The following MTAP variants were observed in gnomAD, a reference collection of about 807,000 sequenced individuals.
MTAP encodes the protein S-methyl-5'-thioadenosine phosphorylase.
A neutral mutation model predicts 33.6 loss-of-function variants in MTAP; 33 were observed. The ratio of observed to expected loss-of-function variants is 0.98; its 90% CI spans 0.74 to 1.31. The LOEUF is 1.31. Among genes scored for constraint, MTAP ranks in the 40% most tolerant of loss-of-function variants. MTAP has a pLI of 0.00. For synonymous variants in MTAP, 148 were observed against 125.7 expected (o/e 1.18, Z -1.19); for missense variants, 367 against 360.0 (o/e 1.02, Z -0.16).
chr9:21,911,584 G>T, intron 1 of MTAP, among the ~76,000 whole-genome samples: 1 of 152,042 alleles, frequency 6.6e-6, no homozygotes, highest in East Asian at 1.9e-4. Flanking sequence ...AAACCAACGA[G>T]AACAAAGACA....
intron 1 of MTAP, among the ~76,000 whole-genome samples, chr9:21,915,152 G>C (rs1302221962): frequency 6.6e-6 from 1 of 150,610 alleles, no homozygotes; most frequent in Non-Finnish European, 1.5e-5. Flanking sequence ...GTGGGATCTT[G>C]GCTCACTGCA....
intron 5 of MTAP, among the ~76,000 whole-genome samples, chr9:21,850,055 T>C (rs189878565): frequency 1.7e-3 from 263 of 152,358 alleles, no homozygotes; most frequent in African/African-American, 6.2e-3. Flanking sequence ...CAGAGAGAAC[T>C]TGATCGCTTT....
At chr9:21,835,279 G>A (rs1188293036) in intron 4 of MTAP, among the ~76,000 whole-genome samples, 5 of 152,060 alleles carry the variant, frequency 3.3e-5, no homozygotes, top group African/African-American at 9.7e-5. Context: ...AGGAATTTTG[G>A]GAGGACACAA....
chr9:21,819,575 A>G (rs569320848), intron 4 of MTAP, among the ~76,000 whole-genome samples: 1 of 152,246 alleles, frequency 6.6e-6, no homozygotes, highest in East Asian at 1.9e-4. Context: ...AGTCTTTGCT[A>G]TTGTGAATAG....
chr9:21,925,828 A>T (rs1207323906), intron 1 of MTAP, among the ~76,000 whole-genome samples: 1 of 152,120 alleles, frequency 6.6e-6, no homozygotes, highest in African/African-American at 2.4e-5. Context: ...GGCAGGTAGG[A>T]CTATAAGTTT....
chr9:21,838,094 A>T, intron 5 of MTAP, 84 bp downstream of exon 5: 1 of 1,097,636 alleles, frequency 9.1e-7, no homozygotes, highest in Non-Finnish European at 1.4e-6. Context: ...TGGCAGAGCG[A>T]GTGGCCCCAT....
intron 4 of MTAP, among the ~76,000 whole-genome samples, chr9:21,829,418 T>C (rs1587222065): frequency 4.1e-5 from 1 of 24,250 alleles, no homozygotes; most frequent in Admixed American, 4.3e-4. Flanking sequence ...TCTTTTGTTG[T>C]TTTTTTTTTT....
downstream of MTAP, among the ~76,000 whole-genome samples, chr9:21,940,682 A>G (rs941971737): frequency 2.0e-5 from 3 of 151,660 alleles, no homozygotes; most frequent in African/African-American, 7.3e-5. Context: ...GAAAAATACA[A>G]TTTAGGAATA....
chr9:21,818,320 T>A, intron 4 of MTAP, 118 bp downstream of exon 4: 1 of 255,084 alleles, frequency 3.9e-6, no homozygotes, highest in East Asian at 1.1e-4. Context: ...TCGCTTGCTT[T>A]TTTTTTTTTT....
intron 6 of MTAP, among the ~76,000 whole-genome samples, chr9:21,855,099 T>C (rs1468659213): frequency 6.6e-6 from 1 of 152,228 alleles, no homozygotes; most frequent in East Asian, 1.9e-4. Flanking sequence ...TGTAGGCAGG[T>C]AGATGTGTTG....
intron 6 of MTAP, among the ~76,000 whole-genome samples, chr9:21,857,064 G>T (rs1328095930): frequency 6.6e-6 from 1 of 152,184 alleles, no homozygotes; most frequent in Non-Finnish European, 1.5e-5. Context: ...CTCTGATGGA[G>T]TGGGGGGCCT....
chr9:21,903,507 C>G (rs547863588), intron 1 of MTAP, among the ~76,000 whole-genome samples: 75 of 151,774 alleles, frequency 4.9e-4, no homozygotes, highest in Non-Finnish European at 8.2e-4. Flanking sequence ...TGAGCTACCC[C>G]CATAACATCA....
chr9:21,849,992 C>T (rs1825473467), intron 5 of MTAP, among the ~76,000 whole-genome samples: 1 of 152,268 alleles, frequency 6.6e-6, no homozygotes, highest in South Asian at 2.1e-4. Flanking sequence ...TATACCTTGA[C>T]TGTCCTACCT....
chr9:21,820,825 TGAAGAGGTCCTTCACAACCC>T (rs1824616918), intron 4 of MTAP, among the ~76,000 whole-genome samples: 11 of 152,354 alleles, frequency 7.2e-5, no homozygotes, highest in African/African-American at 2.2e-4. Flanking sequence ...TAGTTCTCCT[TGAAGAGGTCCTTCACAACCC>T]TTGTAAGTTG....
rs948748414 is a variant in MTAP at position 21,861,834 on chromosome 9, A to C, written c.814-142A>C. ...CCACATCTGGTTAGTGAACTTGAAAATTTTCTGTAGAATTTATTTAAAGTG... is the reference window on the plus strand; with the variant it reads ...CCACATCTGGTTAGTGAACTTGAAACTTTTCTGTAGAATTTATTTAAAGTG... On this transcript the variant is annotated intron_variant, in intron 7 of 7. Transcript: ENST00000644715. 1.2e-5 allele frequency: 8 copies of C among 665,726 alleles called. No homozygotes were observed. The Middle Eastern group carries it at 7.5e-4, about 62-fold the overall frequency. 41.2% of individuals were successfully genotyped at this position (665,726 alleles called of 1,614,324 possible). A position where few individuals can be genotyped will look rare whatever the true frequency, so the allele number is the denominator to read the frequency against.
At chr9:21,869,949 T>C (rs188144321), downstream of MTAP, among the ~76,000 whole-genome samples, 3 of 152,322 alleles carry the variant, frequency 2.0e-5, no homozygotes, top group Non-Finnish European at 4.4e-5. Context: ...TGCCCTCCTA[T>C]CTCTCTGACT....
chr9:21,843,494 T>C (rs1417220991), intron 5 of MTAP, among the ~76,000 whole-genome samples: 1 of 152,146 alleles, frequency 6.6e-6, no homozygotes, highest in Non-Finnish European at 1.5e-5. Flanking sequence ...AAATAGAACA[T>C]ATGCCACAAA....
downstream of MTAP, among the ~76,000 whole-genome samples, chr9:21,938,436 A>G (rs75181928): frequency 2.6e-4 from 39 of 151,142 alleles, no homozygotes; most frequent in Admixed American, 5.9e-4. Context: ...GAGACCTTGG[A>G]AAAAAAAAGA....
intron 1 of MTAP, among the ~76,000 whole-genome samples, chr9:21,891,383 A>G (rs539433341): frequency 7.2e-5 from 11 of 152,190 alleles, no homozygotes; most frequent in South Asian, 2.1e-4. Context: ...ACTCCAAGGA[A>G]TCTAAGGAAT....
Sources: gnomAD v4.1 joint callset for allele counts (sites outside exome capture counted in the v4.1 genomes callset) on GRCh38, gnomAD v4.1.1 for gene constraint, MANE v1.5 for transcripts, NCBI Gene and HGNC (gene_info 2026-07-23, HGNC 2026-07-21) for gene names.